Variants in DCC observed in about 807,000 individuals in gnomAD.
DCC encodes DCC netrin 1 receptor, also known as netrin receptor DCC.
In DCC, 58 loss-of-function variants were observed where a neutral mutation model predicts 172.5. The ratio of observed to expected loss-of-function variants is 0.34; its 90% CI spans 0.27 to 0.42. The LOEUF (loss-of-function observed/expected upper bound fraction) is 0.42, where lower values mean the gene tolerates loss of function less well. Ranked by LOEUF, DCC falls within the 10% of genes least tolerant of loss-of-function variation. DCC has a pLI of 1.00. For missense variants in DCC, 1,740 were observed against 1,791.0 expected (o/e 0.97, Z 0.51); for synonymous variants, 709 against 644.5 (o/e 1.10, Z -1.52).
intron 1 of DCC, among the ~76,000 whole-genome samples, chr18:52,646,023 G>A (rs763943283): frequency 6.6e-6 from 1 of 152,152 alleles, no homozygotes; most frequent in Non-Finnish European, 1.5e-5. Context: ...CCATGATTTT[G>A]CTTTAGTTTG....
chr18:52,625,574 A>G (rs892784038), intron 1 of DCC, among the ~76,000 whole-genome samples: 6 of 152,080 alleles, frequency 3.9e-5, no homozygotes, highest in Non-Finnish European at 8.8e-5. Flanking sequence ...CTTCATCATT[A>G]CATTAACATG....
intron 13 of DCC, among the ~76,000 whole-genome samples, chr18:53,319,721 C>A (rs1014057100): frequency 6.6e-6 from 1 of 152,200 alleles, no homozygotes; most frequent in Non-Finnish European, 1.5e-5. Flanking sequence ...CTGGAGCTCT[C>A]AAGCTAAGTC....
At chr18:53,187,098 G>A (rs2144501896) in intron 9 of DCC, among the ~76,000 whole-genome samples, 1 of 151,408 alleles carries the variant, frequency 6.6e-6, no homozygotes, top group South Asian at 2.1e-4. Flanking sequence ...CAAAGAAGTG[G>A]AATCAAATTT....
chr18:53,419,158 T>C (rs1910485877), intron 21 of DCC, among the ~76,000 whole-genome samples: 1 of 152,130 alleles, frequency 6.6e-6, no homozygotes, highest in Non-Finnish European at 1.5e-5. Context: ...TTATTTTTAA[T>C]TTTTGTGTCT....
At chr18:53,282,998 C>T (rs2056891529) in intron 12 of DCC, among the ~76,000 whole-genome samples, 1 of 152,058 alleles carries the variant, frequency 6.6e-6, no homozygotes, top group African/African-American at 2.4e-5. Context: ...CTTTATATAG[C>T]TCAATAATGA....
chr18:52,502,269 A>G (rs1359319105), intron 1 of DCC, among the ~76,000 whole-genome samples: 1 of 152,186 alleles, frequency 6.6e-6, no homozygotes, highest in Non-Finnish European at 1.5e-5. Context: ...TAAAGAAAAA[A>G]ATGTTCAATC....
At chr18:52,628,729 G>A (rs2034619010) in intron 1 of DCC, among the ~76,000 whole-genome samples, 1 of 152,190 alleles carries the variant, frequency 6.6e-6, no homozygotes, top group Non-Finnish European at 1.5e-5. Context: ...GCATGAGTAG[G>A]GAGGCAACCC....
chr18:52,437,573 T>C (rs962271113), intron 1 of DCC, among the ~76,000 whole-genome samples: 4 of 152,202 alleles, frequency 2.6e-5, no homozygotes, highest in African/African-American at 9.7e-5. Flanking sequence ...GGGGCGCATA[T>C]TCTGCAGATA....
chr18:52,670,352 G>A (rs569173059), intron 1 of DCC, among the ~76,000 whole-genome samples: 43 of 152,106 alleles, frequency 2.8e-4, no homozygotes, highest in Non-Finnish European at 5.4e-4. Flanking sequence ...AAATGAAGAT[G>A]GACTTAAGTG....
chr18:53,251,956 T>C (rs2056441056), intron 12 of DCC, among the ~76,000 whole-genome samples: 1 of 151,950 alleles, frequency 6.6e-6, no homozygotes, highest in Admixed American at 6.6e-5. Context: ...TGAGGTCTCT[T>C]CATTTCACCC....
intron 3 of DCC, among the ~76,000 whole-genome samples, chr18:52,917,593 A>C (rs1044493593): frequency 2.0e-5 from 3 of 152,196 alleles, no homozygotes; most frequent in Admixed American, 1.3e-4. Flanking sequence ...TATTTAGAAA[A>C]AAGTGAAGAG....
intron 15 of DCC, among the ~76,000 whole-genome samples, chr18:53,354,098 T>G (rs1386686988): frequency 6.6e-6 from 1 of 152,240 alleles, no homozygotes; most frequent in African/African-American, 2.4e-5. Context: ...GAACTCACCC[T>G]TTTTTATGGC....
chr18:53,502,804 G>C (rs1230465670), intron 27 of DCC, among the ~76,000 whole-genome samples: 1 of 151,876 alleles, frequency 6.6e-6, no homozygotes, highest in Non-Finnish European at 1.5e-5. Context: ...CAAGGAAGAA[G>C]CTCTTTCCCC....
chr18:52,906,087 C>T lies in DCC; in HGVS notation c.456C>T (p.Phe152=), dbSNP rs760752836. 2 of 1,613,186 alleles carry T rather than the reference C, an allele frequency of 1.2e-6. No homozygotes were observed. Among genetic ancestry groups the T allele is most frequent in the South Asian group, 2.2e-5 (2 of 91,062 alleles). The change falls in exon 3 of 29, where the codon TTC becomes TTT. Residue 152 remains phenylalanine (F), a synonymous_variant. Coordinates refer to ENST00000442544, the MANE Select transcript of DCC (RefSeq NM_005215.4). Reference sequence around the variant, plus strand: ...CACAGACAGAATCTGTCACAGCCTTCATGGGAGACACAGTGCTACTCAAGT... The same window carrying T: ...CACAGACAGAATCTGTCACAGCCTTTATGGGAGACACAGTGCTACTCAAGT... The part of the protein sequence containing the change: ...FLSQTESVTA[F]MGDTVLLKCE...
At chr18:52,428,249 G>A (rs896063453) in intron 1 of DCC, among the ~76,000 whole-genome samples, 22 of 152,120 alleles carry the variant, frequency 1.4e-4, no homozygotes, top group Admixed American at 1.4e-3. Context: ...TGACAGGTTG[G>A]TGAGCAGAAT....
intron 7 of DCC, among the ~76,000 whole-genome samples, chr18:53,135,631 C>A (rs2043729968): frequency 6.6e-6 from 1 of 152,104 alleles, no homozygotes; most frequent in South Asian, 2.1e-4. Flanking sequence ...TTTATGGTTT[C>A]TTTGTCTTTC....
At chr18:53,487,043 C>A in intron 26 of DCC, 85 bp downstream of exon 26, 1 of 1,563,554 alleles carries the variant, frequency 6.4e-7, no homozygotes, top group East Asian at 2.3e-5. Context: ...CTGACCTTAT[C>A]CCTTAGAAAA....
chr18:53,529,038 T>TCTCACACACA (rs1203799842), intron 28 of DCC, among the ~76,000 whole-genome samples: 18 of 65,266 alleles, frequency 2.8e-4, no homozygotes, highest in Admixed American at 1.2e-3. Flanking sequence ...TCTCTCTCTC[T>TCTCACACACA]CACACACACA....
intron 1 of DCC, among the ~76,000 whole-genome samples, chr18:52,403,664 C>A (rs1293955938): frequency 1.3e-5 from 2 of 151,890 alleles, no homozygotes; most frequent in African/African-American, 4.8e-5. Flanking sequence ...CAGGAAAGAG[C>A]AACTAAGGAG....
Sources: gnomAD v4.1 joint callset for allele counts (sites outside exome capture counted in the v4.1 genomes callset) on GRCh38, gnomAD v4.1.1 for gene constraint, MANE v1.5 for transcripts, NCBI Gene and HGNC (gene_info 2026-07-23, HGNC 2026-07-21) for gene names.